The following GMDS variants were observed in gnomAD, a reference collection of about 807,000 sequenced individuals.
GMDS encodes the protein GDP-mannose 4,6-dehydratase, also known as GDP-mannose 4,6 dehydratase.
GMDS carries 20 observed loss-of-function variants against 49.9 expected under a neutral mutation model. The observed-to-expected ratio is 0.40, with a 90% CI of 0.28 to 0.58. The LOEUF is 0.58. Among genes scored for constraint, GMDS ranks in the 20% least tolerant of loss-of-function variants. The probability of loss-of-function intolerance (pLI) is 0.42; values close to 1 mark genes in which losing one functional copy is unlikely to be tolerated. For synonymous variants in GMDS, 177 were observed against 178.6 expected, an observed-to-expected ratio of 0.99 and a Z score of 0.07; for missense variants, 362 against 481.4, an observed-to-expected ratio of 0.75 and a Z score of 2.32.
intron 6 of GMDS, among the ~76,000 whole-genome samples, chr6:1,947,517 G>A (rs1304310314): frequency 6.6e-6 from 1 of 152,140 alleles, no homozygotes; most frequent in African/African-American, 2.4e-5. Flanking sequence ...GCTGCCAGGA[G>A]GGTTTCTCTG....
rs553279638 is a variant in GMDS, at chr6:1,658,047, G to A, written c.988-33507C>T. Among the ~76,000 whole-genome samples, 43 of 152,274 alleles carry A rather than the reference G, an allele frequency of 2.8e-4. 1 individual carries two copies. Among genetic ancestry groups the A allele is most frequent in the Admixed American group, 2.2e-3 (34 of 15,286 alleles). On this transcript the variant is annotated intron_variant, in intron 9 of 10. Coordinates refer to ENST00000380815, the MANE Select transcript of GMDS (RefSeq NM_001500.4). Reference sequence around the variant, plus strand: ...GAACTGCTCAGAGGCAGGGAGTGCCGGGGGTGTGTGTTTGCAAATAGATAC... The same window carrying A: ...GAACTGCTCAGAGGCAGGGAGTGCCAGGGGTGTGTGTTTGCAAATAGATAC...
rs548800015 is a variant in GMDS, at chr6:2,160,947, C to A, written c.103-36216G>T. On this transcript the variant is annotated intron_variant, in intron 1 of 10. Transcript: ENST00000380815. ...TCTTTATTCTTTCAAGCTGAATAAT[C>A]AATGACCATACCCTGAAGCTCTTTG... 1.6e-4 allele frequency among the ~76,000 whole-genome samples: 24 copies of A among 152,292 alleles called. No homozygotes were observed. In the South Asian group the frequency reaches 4.6e-3, roughly 29 times the overall value.
chr6:1,722,330 G>T (rs1161883232), intron 9 of GMDS, among the ~76,000 whole-genome samples: 4 of 150,836 alleles, frequency 2.7e-5, no homozygotes, highest in Non-Finnish European at 5.9e-5. Flanking sequence ...CTTGTGATCT[G>T]CCCGCCTCGG....
intron 7 of GMDS, among the ~76,000 whole-genome samples, chr6:1,853,465 C>T (rs1757795806): frequency 7.2e-6 from 1 of 139,522 alleles, no homozygotes; most frequent in Non-Finnish European, 1.5e-5. Flanking sequence ...TTGCAGTGAG[C>T]TGAGATCGCG....
rs958385352 is a variant in GMDS at position 2,191,221 on chromosome 6, G to A, written c.102+54100C>T. On this transcript the variant is annotated intron_variant, in intron 1 of 10. Coordinates refer to ENST00000380815, the MANE Select transcript of GMDS (RefSeq NM_001500.4). The surrounding 1 kb of genome is among the most constrained non-coding windows in gnomAD (Gnocchi z 4.6). ...GGTGACCACCGGGCCTGACACTCCC[G>A]ACCCGCTATCCGCTCCTGGAGGCAC... is the stretch of plus-strand genomic sequence containing the variant. 4.6e-5 allele frequency among the ~76,000 whole-genome samples: 7 copies of A among 152,118 alleles called. No individual in the cohort carries two copies. Among genetic ancestry groups the A allele is most frequent in the South Asian group, 2.1e-4 (1 of 4,832 alleles).
At position 1,767,926 on chromosome 6, in the gene GMDS, T is replaced by TTG. The variant is rs754980796; in HGVS notation, c.772-25342_772-25341dup. On this transcript the variant is annotated intron_variant, in intron 7 of 10. Transcript: ENST00000380815. ...TGTAGAATTGCTCAGTGTTTACATT[T>TTG]TGACTCTCTTCTCGGTGACAGTTCA... 1.1e-3 allele frequency among the ~76,000 whole-genome samples: 173 copies of TTG among 152,278 alleles called. 1 individual carries two copies. The highest frequency in any genetic ancestry group is 1.0e-3 in the Non-Finnish European group (69 of 68,022).
At chr6:1,701,170 A>G (rs565253795) in intron 9 of GMDS, among the ~76,000 whole-genome samples, 1 of 152,172 alleles carries the variant, frequency 6.6e-6, no homozygotes, top group East Asian at 1.9e-4. Flanking sequence ...CCCTTCCCTT[A>G]GCGTGGAGTA....
intron 9 of GMDS, among the ~76,000 whole-genome samples, chr6:1,673,992 T>C (rs1185817591): frequency 6.6e-6 from 1 of 151,552 alleles, no homozygotes; most frequent in Admixed American, 6.6e-5. Context: ...GCTATAAACA[T>C]CTATGCGCAG....
Position 2,028,610 on chromosome 6 carries a change from T to A in GMDS, c.346-67644A>T, listed in dbSNP as rs369809616. Among the ~76,000 whole-genome samples, 151 of 152,288 alleles carry A rather than the reference T, an allele frequency of 9.9e-4. 2 individuals carry two copies. The Middle Eastern group carries it at 0.034, about 34-fold the overall frequency. On this transcript the variant is annotated intron_variant, in intron 4 of 10. Coordinates refer to ENST00000380815, the MANE Select transcript of GMDS (RefSeq NM_001500.4). ...GTCTTGTAACGAAAGAGGAAGCACA[T>A]CTCAGCAGAGGAAGGATGCCCACTT...
At chr6:2,174,398 T>G (rs1428184165) in intron 1 of GMDS, among the ~76,000 whole-genome samples, 1 of 152,168 alleles carries the variant, frequency 6.6e-6, no homozygotes, top group African/African-American at 2.4e-5. Flanking sequence ...ATGGGTGAAT[T>G]TCATCTTTTT....
chr6:1,826,925 G>A (rs1459080962), intron 7 of GMDS, among the ~76,000 whole-genome samples: 1 of 152,006 alleles, frequency 6.6e-6, no homozygotes, highest in African/African-American at 2.4e-5. Context: ...TAATTAGCCA[G>A]GCACAGTGGC....
chr6:1,909,114 A>G (rs906926620), intron 7 of GMDS, among the ~76,000 whole-genome samples: 1 of 152,244 alleles, frequency 6.6e-6, no homozygotes. Context: ...TGCCACTAGG[A>G]ATAAAAAGAG....
intron 6 of GMDS, among the ~76,000 whole-genome samples, chr6:1,940,817 T>C (rs2127260140): frequency 6.6e-6 from 1 of 152,344 alleles, no homozygotes; most frequent in African/African-American, 2.4e-5. Context: ...AATTTGTAAG[T>C]CTTCCTTTCA....
chr6:2,087,783 CAAATATTATCAA>C (rs1213263167), intron 4 of GMDS, among the ~76,000 whole-genome samples: 1 of 152,172 alleles, frequency 6.6e-6, no homozygotes, highest in Non-Finnish European at 1.5e-5. Flanking sequence ...TATTTGCTCT[CAAATATTATCAA>C]CATCAAAGAA....
At chr6:2,194,010 C>T (rs779855662) in intron 1 of GMDS, among the ~76,000 whole-genome samples, 7 of 150,196 alleles carry the variant, frequency 4.7e-5, no homozygotes, top group Non-Finnish European at 7.4e-5. Flanking sequence ...CGTGAGCCAC[C>T]GCGTCCAGCC....
intron 7 of GMDS, among the ~76,000 whole-genome samples, chr6:1,912,911 C>T (rs1488581699): frequency 1.3e-5 from 2 of 151,944 alleles, no homozygotes; most frequent in African/African-American, 2.4e-5. Context: ...ACCACAAGCC[C>T]AAAGCAGCAT....
At position 2,114,972 on chromosome 6, in the gene GMDS, C is replaced by CAAACA. The variant is rs1554166846; in HGVS notation, c.345+798_345+799insTGTTT. On this transcript the variant is annotated intron_variant, in intron 4 of 10. Transcript: ENST00000380815. ...CAAAACAAACAAACAAACAAACAAA[C>CAAACA]AAAAAAAAACCTCATACATTTTCTG... Among the ~76,000 whole-genome samples the CAAACA allele has an allele frequency of 5.3e-5, 8 of 151,004 alleles. No individual in the cohort carries two copies. The East Asian group carries it at 7.7e-4, about 15-fold the overall frequency.
chr6:1,838,652 G>A (rs951207668), intron 7 of GMDS, among the ~76,000 whole-genome samples: 5 of 152,142 alleles, frequency 3.3e-5, no homozygotes, highest in Admixed American at 6.5e-5. Flanking sequence ...TATGAAGAGC[G>A]GAGGAATTCC....
intron 4 of GMDS, among the ~76,000 whole-genome samples, chr6:2,066,135 A>T (rs1482550206): frequency 6.6e-6 from 1 of 152,000 alleles, no homozygotes; most frequent in Non-Finnish European, 1.5e-5. Context: ...AAAGAAAAGA[A>T]TTTTCAACCC....
Sources: gnomAD v4.1 joint callset for allele counts (sites outside exome capture counted in the v4.1 genomes callset) on GRCh38, gnomAD v4.1.1 for gene constraint, Gnocchi (gnomAD v3.1) non-coding constraint, MANE v1.5 for transcripts, NCBI Gene and HGNC (gene_info 2026-07-23, HGNC 2026-07-21) for gene names.